The following POFUT3 variants were observed in gnomAD, a reference collection of about 807,000 sequenced individuals.
POFUT3 encodes protein O-fucosyltransferase 3.
At chr8:33,363,453 A>AC in the POFUT3 span, among the ~76,000 whole-genome samples, 1 of 152,180 alleles carries the variant, frequency 6.6e-6, no homozygotes, top group Non-Finnish European at 1.5e-5. Context: ...GACACAAAAA[A>AC]CCCTTCAAAA....
chr8:33,450,709 G>A, the POFUT3 span, among the ~76,000 whole-genome samples: 1 of 152,122 alleles, frequency 6.6e-6, no homozygotes. Flanking sequence ...GATAGTTTTG[G>A]GCACTGGAGA....
chr8:33,457,562 G>A, the POFUT3 span, among the ~76,000 whole-genome samples: 6 of 152,054 alleles, frequency 3.9e-5, no homozygotes, highest in South Asian at 1.2e-3. Flanking sequence ...ATTTAACATG[G>A]CCTATCATAC....
the POFUT3 span, among the ~76,000 whole-genome samples, chr8:33,434,715 T>C: frequency 6.6e-6 from 1 of 152,190 alleles, no homozygotes; most frequent in African/African-American, 2.4e-5. Flanking sequence ...GAATCAGCTA[T>C]GGCCCCAGAG....
chr8:33,327,070 G>C, the POFUT3 span, among the ~76,000 whole-genome samples: 1 of 152,164 alleles, frequency 6.6e-6, no homozygotes, highest in Non-Finnish European at 1.5e-5. Flanking sequence ...GAACCACTGC[G>C]CCCACTCCTG....
the POFUT3 span, among the ~76,000 whole-genome samples, chr8:33,388,669 C>T: frequency 6.6e-6 from 1 of 152,074 alleles, no homozygotes; most frequent in African/African-American, 2.4e-5. Flanking sequence ...AGGGACTCTT[C>T]CCCTTTTCTG....
the POFUT3 span, chr8:33,453,099 A>T: frequency 1.0e-6 from 1 of 961,826 alleles, no homozygotes; most frequent in South Asian, 1.6e-5. Flanking sequence ...AAAGGAAATC[A>T]GGGGTGTCAA....
chr8:33,472,310 G>A, the POFUT3 span, among the ~76,000 whole-genome samples: 2 of 152,182 alleles, frequency 1.3e-5, no homozygotes, highest in South Asian at 4.1e-4. Flanking sequence ...TGTTGGGGCC[G>A]TGGTGTTAGA....
At chr8:33,321,570 G>A in the POFUT3 span, among the ~76,000 whole-genome samples, 5 of 152,002 alleles carry the variant, frequency 3.3e-5, no homozygotes, top group South Asian at 4.1e-4. Flanking sequence ...AGATGCTCTC[G>A]AAAGTCCCAG....
At chr8:33,412,255 C>G in the POFUT3 span, among the ~76,000 whole-genome samples, 1 of 152,048 alleles carries the variant, frequency 6.6e-6, no homozygotes, top group Non-Finnish European at 1.5e-5. Context: ...ACATTAAATA[C>G]AGGGTGAAGG....
chr8:33,411,683 G>A, the POFUT3 span, among the ~76,000 whole-genome samples: 2 of 152,182 alleles, frequency 1.3e-5, no homozygotes, highest in East Asian at 3.8e-4. Context: ...CAGCTACTTG[G>A]TGGCTGAGGC....
At chr8:33,318,720 GTATATATATTT>G in the POFUT3 span, among the ~76,000 whole-genome samples, 3 of 44,574 alleles carry the variant, frequency 6.7e-5, no homozygotes, top group African/African-American at 2.7e-4. Context: ...TAAATATATT[GTATATATATTT>G]TATATATATT....
chr8:33,309,398 C>A, the POFUT3 span, among the ~76,000 whole-genome samples: 4 of 148,308 alleles, frequency 2.7e-5, no homozygotes, highest in African/African-American at 1.0e-4. Flanking sequence ...CGTGCGTCTT[C>A]CGCACAAAAC....
At chr8:33,321,682 T>C in the POFUT3 span, among the ~76,000 whole-genome samples, 2 of 152,094 alleles carry the variant, frequency 1.3e-5, no homozygotes, top group African/African-American at 2.4e-5. Context: ...GGGAATGACA[T>C]GCTTGTGCCT....
chr8:33,461,568 CA>C, the POFUT3 span: 1 of 1,561,534 alleles, frequency 6.4e-7, no homozygotes, highest in East Asian at 2.4e-5. Flanking sequence ...CAATTTCCTG[CA>C]CTGCCATTCC....
At chr8:33,379,616 T>G in the POFUT3 span, among the ~76,000 whole-genome samples, 1 of 151,620 alleles carries the variant, frequency 6.6e-6, no homozygotes, top group Non-Finnish European at 1.5e-5. Flanking sequence ...GGCAGGTGGA[T>G]CACGAGGTCA....
chr8:33,320,756 C>T, the POFUT3 span, among the ~76,000 whole-genome samples: 4 of 152,076 alleles, frequency 2.6e-5, no homozygotes, highest in Non-Finnish European at 5.9e-5. Context: ...GAGGCTTGGG[C>T]TTCTCATAGC....
chr8:33,384,011 T>C, the POFUT3 span, among the ~76,000 whole-genome samples: 2 of 151,468 alleles, frequency 1.3e-5, no homozygotes, highest in East Asian at 1.9e-4. Flanking sequence ...AACCTGACAG[T>C]AGTTCCAACT....
chr8:33,310,159 ATTC>A, the POFUT3 span, among the ~76,000 whole-genome samples: 2 of 152,130 alleles, frequency 1.3e-5, no homozygotes, highest in Admixed American at 6.6e-5. Flanking sequence ...GAATCATAGA[ATTC>A]TTCTTATGAC....
the POFUT3 span, among the ~76,000 whole-genome samples, chr8:33,373,654 GAAGGGAGA>G: frequency 6.6e-6 from 1 of 151,482 alleles, no homozygotes; most frequent in Non-Finnish European, 1.5e-5. Flanking sequence ...CAATAATTTA[GAAGGGAGA>G]AAGGGAGAAA....
Sources: gnomAD v4.1 joint callset for allele counts (sites outside exome capture counted in the v4.1 genomes callset) on GRCh38, gnomAD v4.1.1 for gene constraint, MANE v1.5 for transcripts, NCBI Gene and HGNC (gene_info 2026-07-23, HGNC 2026-07-21) for gene names.